PRUNE2: variants seen among roughly 807,000 people sequenced by gnomAD.
PRUNE2 encodes prune homolog 2 with BCH domain, also known as protein prune homolog 2.
Under a neutral mutation model 252.0 loss-of-function variants are expected in PRUNE2, and 164 were observed. The observed-to-expected ratio is 0.65, with a 90% CI of 0.57 to 0.74. The LOEUF is 0.74. Among genes scored for constraint, PRUNE2 ranks in the 30% least tolerant of loss-of-function variants. PRUNE2 has a pLI of 0.00. For missense variants in PRUNE2, 3,495 were observed against 3,711.0 expected (o/e 0.94, Z 1.51); for synonymous variants, 1,292 against 1,350.2 (o/e 0.96, Z 0.94).
At chr9:76,797,926 C>T (rs1006245420) in intron 6 of PRUNE2, among the ~76,000 whole-genome samples, 6 of 152,184 alleles carry the variant, frequency 3.9e-5, no homozygotes, top group African/African-American at 2.4e-5. Flanking sequence ...TCTTTAGCTG[C>T]GCTTTTTGTT....
intron 3 of PRUNE2, 56 bp downstream of exon 3, chr9:76,850,407 G>C: frequency 7.4e-7 from 1 of 1,344,074 alleles, no homozygotes; most frequent in South Asian, 1.2e-5. Flanking sequence ...GTGACACTTT[G>C]CCCAGTAGAA....
At chr9:76,789,728 T>C (rs11145065) in intron 6 of PRUNE2, among the ~76,000 whole-genome samples, 1,572 of 152,150 alleles carry the variant, frequency 0.01, 27 homozygotes, top group African/African-American at 0.035. Context: ...TGCTTCACCA[T>C]TGATTAACAT....
intron 1 of PRUNE2, among the ~76,000 whole-genome samples, chr9:76,902,043 G>T (rs955013358): frequency 1.3e-5 from 2 of 152,158 alleles, no homozygotes; most frequent in South Asian, 4.1e-4. Context: ...ACCTGGGGGG[G>T]TCTGGGCAGT....
chr9:76,639,899 T>G (rs1163659318), intron 12 of PRUNE2, among the ~76,000 whole-genome samples: 3 of 152,192 alleles, frequency 2.0e-5, no homozygotes. Context: ...TCTGGCATAA[T>G]TTTGGAATTG....
At chr9:76,641,769 A>C (rs974302421) in intron 12 of PRUNE2, among the ~76,000 whole-genome samples, 1 of 152,074 alleles carries the variant, frequency 6.6e-6, no homozygotes, top group African/African-American at 2.4e-5. Context: ...AGACCCTCTG[A>C]AGCAAGGACG....
chr9:76,743,741 A>G (rs1332046271), intron 6 of PRUNE2, among the ~76,000 whole-genome samples: 1 of 152,242 alleles, frequency 6.6e-6, no homozygotes, highest in African/African-American at 2.4e-5. Context: ...TACATATTCC[A>G]TACTTCCATA....
intron 1 of PRUNE2, chr9:76,862,917 T>C (rs2060634647): frequency 6.6e-6 from 1 of 152,190 alleles, no homozygotes; most frequent in Non-Finnish European, 1.5e-5. Flanking sequence ...CATAGATGAC[T>C]TCTGTTTGCT....
intron 1 of PRUNE2, among the ~76,000 whole-genome samples, chr9:76,888,827 C>T (rs2133441750): frequency 6.6e-6 from 1 of 152,014 alleles, no homozygotes; most frequent in Admixed American, 6.6e-5. Context: ...CTCCCTCCAG[C>T]CTGTTAATGT....
chr9:76,820,747 A>C (rs1482033676), intron 6 of PRUNE2, among the ~76,000 whole-genome samples: 1 of 152,172 alleles, frequency 6.6e-6, no homozygotes, highest in Non-Finnish European at 1.5e-5. Flanking sequence ...GCCATTTTTC[A>C]TCTGCTTGAT....
At chr9:76,747,750 C>T (rs2050256393) in intron 6 of PRUNE2, among the ~76,000 whole-genome samples, 1 of 151,898 alleles carries the variant, frequency 6.6e-6, no homozygotes, top group African/African-American at 2.4e-5. Context: ...CTTCTGAGTA[C>T]AACTCTGTCT....
At chr9:76,666,803 C>A (rs555639453) in intron 9 of PRUNE2, among the ~76,000 whole-genome samples, 5 of 152,160 alleles carry the variant, frequency 3.3e-5, no homozygotes, top group Non-Finnish European at 5.9e-5. Flanking sequence ...TCTCCGCACA[C>A]AGGGAGAAAA....
intron 6 of PRUNE2, among the ~76,000 whole-genome samples, chr9:76,715,453 T>C (rs1015067784): frequency 6.6e-6 from 1 of 152,200 alleles, no homozygotes; most frequent in Non-Finnish European, 1.5e-5. Context: ...TCATCTGGCA[T>C]CTTACTGGGC....
At chr9:76,618,675 A>T (rs1442044180) in intron 18 of PRUNE2, among the ~76,000 whole-genome samples, 1 of 152,246 alleles carries the variant, frequency 6.6e-6, no homozygotes, top group Non-Finnish European at 1.5e-5. Flanking sequence ...GCCAAGGTCC[A>T]AATTCCAGCT....
At chr9:76,670,022 G>C (rs941320894) in intron 9 of PRUNE2, among the ~76,000 whole-genome samples, 2 of 152,124 alleles carry the variant, frequency 1.3e-5, no homozygotes, top group African/African-American at 4.8e-5. Context: ...TTCATTCAGT[G>C]ACTTAACAAA....
chr9:76,885,910 C>T (rs1233763984), intron 1 of PRUNE2, among the ~76,000 whole-genome samples: 7 of 152,058 alleles, frequency 4.6e-5, no homozygotes, highest in South Asian at 2.1e-4. Context: ...CCGGGTGCGG[C>T]GGTTTACGCC....
intron 15 of PRUNE2, among the ~76,000 whole-genome samples, chr9:76,631,008 G>T (rs759155176): frequency 1.3e-5 from 2 of 152,110 alleles, no homozygotes; most frequent in Non-Finnish European, 2.9e-5. Context: ...CTTTTTTGAG[G>T]TGTGTCTTCT....
Position 76,844,803 on chromosome 9 carries a change from C to T in PRUNE2, c.508+1712G>A, listed in dbSNP as rs73653222. ...GTTTCCAAGAGATAAGGAAGTGATG[C>T]CCACATTCTGCCAGCTTCCCAATGC... is the stretch of plus-strand genomic sequence containing the variant. On this transcript the variant is annotated intron_variant, in intron 4 of 18. Coordinates refer to ENST00000376718, the MANE Select transcript of PRUNE2 (RefSeq NM_015225.3). Among the ~76,000 whole-genome samples the T allele has an allele frequency of 7.8e-3, 1,182 of 152,060 alleles. 15 individuals carry two copies. The highest frequency in any genetic ancestry group is 0.027 in the African/African-American group (1,104 of 41,462).
Position 76,613,144 on chromosome 9 carries a change from C to T in PRUNE2, c.*1426G>A, listed in dbSNP as rs1311317264. The T allele has an allele frequency of 1.3e-5, 2 of 152,202 alleles. No homozygotes were observed. The highest frequency in any genetic ancestry group is 2.9e-5 in the Non-Finnish European group (2 of 68,038). The allele number at this position is 152,202 out of a possible 1,614,324, so 9.4% of individuals were successfully genotyped here. ...TCAGCAAGCCATTTCTTTTATTTCACTGTCTGTGGATGTCAAAACATTGAT... is the reference window on the plus strand; with the variant it reads ...TCAGCAAGCCATTTCTTTTATTTCATTGTCTGTGGATGTCAAAACATTGAT... On this transcript the variant is annotated 3_prime_UTR_variant, in exon 19 of 19. Coordinates refer to ENST00000376718, the MANE Select transcript of PRUNE2 (RefSeq NM_015225.3).
intron 6 of PRUNE2, among the ~76,000 whole-genome samples, chr9:76,799,566 A>C (rs1207419825): frequency 6.6e-6 from 1 of 152,168 alleles, no homozygotes; most frequent in Non-Finnish European, 1.5e-5. Flanking sequence ...TAAGTTAAAC[A>C]TAAAAAGTGC....
Sources: gnomAD v4.1 joint callset for allele counts (sites outside exome capture counted in the v4.1 genomes callset) on GRCh38, gnomAD v4.1.1 for gene constraint, MANE v1.5 for transcripts, NCBI Gene and HGNC (gene_info 2026-07-23, HGNC 2026-07-21) for gene names.